CELF4: variants seen among roughly 807,000 people sequenced by gnomAD.
CELF4 encodes the protein CUG-BP- and ETR-3-like factor 4.
A neutral mutation model predicts 59.9 loss-of-function variants in CELF4; 18 were observed. The observed-to-expected ratio is 0.30, with a 90% CI of 0.21 to 0.45. CELF4 has a LOEUF of 0.45. Among genes scored for constraint, CELF4 ranks in the 20% least tolerant of loss-of-function variants. The pLI, the probability that CELF4 is intolerant of heterozygous loss-of-function variation, is 1.00. For missense variants in CELF4, 456 were observed against 689.0 expected, an observed-to-expected ratio of 0.66 and a Z score of 3.79; for synonymous variants, 261 against 267.1, an observed-to-expected ratio of 0.98 and a Z score of 0.22.
At chr18:37,384,707 G>A (rs959907084) in intron 2 of CELF4, among the ~76,000 whole-genome samples, 4 of 152,136 alleles carry the variant, frequency 2.6e-5, no homozygotes, top group African/African-American at 9.7e-5. Flanking sequence ...GAACATCACG[G>A]GTCACTTCAG....
chr18:37,527,015 G>T (rs980031606), intron 1 of CELF4, among the ~76,000 whole-genome samples: 1 of 152,082 alleles, frequency 6.6e-6, no homozygotes, highest in African/African-American at 2.4e-5. Flanking sequence ...GTAACAAACC[G>T]TGGCTAATGC....
chr18:37,445,252 C>A (rs1408549647), intron 2 of CELF4, among the ~76,000 whole-genome samples: 1 of 152,118 alleles, frequency 6.6e-6, no homozygotes, highest in Non-Finnish European at 1.5e-5. Context: ...AGCAGAGGGG[C>A]CAGTCTGAGC....
chr18:37,383,870 G>A (rs908823145), intron 2 of CELF4, among the ~76,000 whole-genome samples: 22 of 152,194 alleles, frequency 1.4e-4, no homozygotes, highest in African/African-American at 2.9e-4. Context: ...CTAGGAAGGC[G>A]GCAGACCCTC....
chr18:37,383,395 T>G (rs1368190243), intron 2 of CELF4, among the ~76,000 whole-genome samples: 1 of 152,194 alleles, frequency 6.6e-6, no homozygotes, highest in Non-Finnish European at 1.5e-5. Context: ...GGAGGAAAAC[T>G]TGGTTTTATA....
intron 3 of CELF4, among the ~76,000 whole-genome samples, chr18:37,291,377 A>G (rs2154417009): frequency 6.6e-6 from 1 of 152,342 alleles, no homozygotes; most frequent in Admixed American, 6.5e-5. Context: ...AGGAGGGTTC[A>G]TGTCAGAAAG....
At chr18:37,511,313 A>G (rs2099944059) in intron 1 of CELF4, among the ~76,000 whole-genome samples, 2 of 152,002 alleles carry the variant, frequency 1.3e-5, no homozygotes, top group African/African-American at 4.8e-5. Flanking sequence ...GTGAGCCTTG[A>G]TGCTTCCAGC....
At chr18:37,390,130 T>C (rs1341397997) in intron 2 of CELF4, among the ~76,000 whole-genome samples, 1 of 152,216 alleles carries the variant, frequency 6.6e-6, no homozygotes, top group Non-Finnish European at 1.5e-5. Flanking sequence ...TAGGACACCT[T>C]GTCCACGCCC....
intron 8 of CELF4, among the ~76,000 whole-genome samples, chr18:37,268,189 G>A (rs562684279): frequency 6.6e-6 from 1 of 152,150 alleles, no homozygotes; most frequent in South Asian, 2.1e-4. Context: ...TGCTCAGATG[G>A]GGGGAGCTGA....
chr18:37,468,169 CA>C (rs2099813324), intron 2 of CELF4, among the ~76,000 whole-genome samples: 1 of 152,236 alleles, frequency 6.6e-6, no homozygotes, highest in Non-Finnish European at 1.5e-5. Flanking sequence ...CTCGGGCTGT[CA>C]GGGGGCCTGG....
At chr18:37,421,628 G>T (rs956597547) in intron 2 of CELF4, among the ~76,000 whole-genome samples, 16 of 152,244 alleles carry the variant, frequency 1.1e-4, no homozygotes, top group Non-Finnish European at 4.4e-5. Context: ...TCTTCTTTGG[G>T]GTACCTGTGG....
In CELF4 at chr18:37,461,086, G is replaced by A. The variant is rs73431295; in HGVS notation, c.369+24439C>T. On this transcript the variant is annotated intron_variant, in intron 2 of 12. Coordinates refer to ENST00000420428, the MANE Select transcript of CELF4 (RefSeq NM_020180.4). ...TCCCTGCTGTCTATTGCATGCCTGC[G>A]GTATGAGAGGCTTGGGAGAAGGTAT... is the stretch of plus-strand genomic sequence containing the variant. 6.0e-3 allele frequency among the ~76,000 whole-genome samples: 912 copies of A among 152,242 alleles called. 10 individuals are homozygous for A. The highest frequency in any genetic ancestry group is 0.02 in the African/African-American group (840 of 41,540).
chr18:37,300,800 G>A (rs541680882), intron 3 of CELF4, among the ~76,000 whole-genome samples: 32 of 152,346 alleles, frequency 2.1e-4, no homozygotes, highest in Non-Finnish European at 2.2e-4. Flanking sequence ...AGGACAGGTC[G>A]TGGGTAGAGG....
intron 1 of CELF4, among the ~76,000 whole-genome samples, chr18:37,511,776 G>A (rs1408034450): frequency 6.6e-6 from 1 of 151,636 alleles, no homozygotes; most frequent in South Asian, 2.1e-4. Context: ...CTTCTTTTTT[G>A]TAAAGCTGGA....
intron 2 of CELF4, among the ~76,000 whole-genome samples, chr18:37,404,470 A>T (rs541881767): frequency 6.6e-6 from 1 of 152,252 alleles, no homozygotes; most frequent in Non-Finnish European, 1.5e-5. Flanking sequence ...GACACAGGGC[A>T]GGGAACTTGG....
intron 3 of CELF4, among the ~76,000 whole-genome samples, chr18:37,289,613 G>A (rs1011948369): frequency 3.9e-5 from 6 of 151,946 alleles, no homozygotes; most frequent in African/African-American, 1.2e-4. Flanking sequence ...CCCTTTGGAT[G>A]TCCTGACAGT....
chr18:37,421,137 A>C (rs1004814472), intron 2 of CELF4, among the ~76,000 whole-genome samples: 3 of 152,048 alleles, frequency 2.0e-5, no homozygotes, highest in African/African-American at 7.2e-5. Flanking sequence ...GCCCATTCAC[A>C]TACTGCCAAG....
intron 2 of CELF4, among the ~76,000 whole-genome samples, chr18:37,444,617 TACAC>T (rs61248144): frequency 0.018 from 2,408 of 134,212 alleles, 36 homozygotes; most frequent in Middle Eastern, 0.025. Context: ...CTAGCATGCA[TACAC>T]ACACACACAC....
At chr18:37,319,760 C>A (rs1255805968) in intron 3 of CELF4, among the ~76,000 whole-genome samples, 1 of 152,218 alleles carries the variant, frequency 6.6e-6, no homozygotes, top group African/African-American at 2.4e-5. Context: ...TTCCTCGGTT[C>A]CTGGCTGATC....
chr18:37,422,695 C>T (rs1160721375), intron 2 of CELF4, among the ~76,000 whole-genome samples: 1 of 152,118 alleles, frequency 6.6e-6, no homozygotes, highest in Non-Finnish European at 1.5e-5. Flanking sequence ...TGAGAGAGAG[C>T]CCTGGGTTTA....
Sources: allele counts gnomAD v4.1 joint callset (sites outside exome capture counted in the v4.1 genomes callset), GRCh38; gene constraint gnomAD v4.1.1; transcripts MANE v1.5; gene names NCBI Gene and HGNC (gene_info 2026-07-23, HGNC 2026-07-21).